The following MYO6 variants were observed in gnomAD, a reference collection of about 807,000 sequenced individuals.
MYO6 encodes unconventional myosin-VI.
A neutral mutation model predicts 178.7 loss-of-function variants in MYO6; 74 were observed. The ratio of observed to expected loss-of-function variants is 0.41; its 90% CI spans 0.34 to 0.50. MYO6 has a LOEUF of 0.50. MYO6 is among the 20% of genes least tolerant of loss of function. The pLI is 0.09. For missense variants in MYO6, 1,330 were observed against 1,547.4 expected, an observed-to-expected ratio of 0.86 and a Z score of 2.36; for synonymous variants, 477 against 504.6, an observed-to-expected ratio of 0.95 and a Z score of 0.73.
Position 75,841,183 on chromosome 6 carries a change from A to T in MYO6, c.652-31A>T, listed in dbSNP as rs780701022. On this transcript the variant is annotated intron_variant, in intron 8 of 34. Transcript: ENST00000369977. ...TTATATTTTAAGACTTTAAATGCAA[A>T]AATATATTTTCTCTGTGTTTTGTTT... The T allele has an allele frequency of 2.5e-6, 4 of 1,602,010 alleles. No individual in the cohort carries two copies. The East Asian group carries it at 8.9e-5, about 36-fold the overall frequency.
chr6:75,775,478 C>T (rs765206104), intron 1 of MYO6, among the ~76,000 whole-genome samples: 40 of 152,202 alleles, frequency 2.6e-4, no homozygotes, highest in Admixed American at 5.9e-4. Flanking sequence ...AGGTTCCAGG[C>T]CTCCCTTGGC....
intron 6 of MYO6, among the ~76,000 whole-genome samples, chr6:75,833,601 T>G (rs2181246): frequency 3.3e-5 from 5 of 152,130 alleles, no homozygotes; most frequent in Non-Finnish European, 4.4e-5. Flanking sequence ...TTAACTCAAC[T>G]TAAGATTCAT....
Position 75,809,587 on chromosome 6 carries a change from C to T in MYO6, c.-47-7914C>T, listed in dbSNP as rs188065259. ...AGGAATTACAGGCGAAGACATAATA[C>T]GTGGAAGGTATATATTGATTCTGTC... On this transcript the variant is annotated intron_variant, in intron 1 of 34. Transcript: ENST00000369977. 2.2e-4 allele frequency among the ~76,000 whole-genome samples: 34 copies of T among 152,090 alleles called. 1 individual carries two copies. The highest frequency in any genetic ancestry group is 1.9e-3 in the South Asian group (9 of 4,822).
At chr6:75,786,514 T>C (rs1231782936) in intron 1 of MYO6, among the ~76,000 whole-genome samples, 4 of 152,260 alleles carry the variant, frequency 2.6e-5, no homozygotes, top group Non-Finnish European at 5.9e-5. Context: ...TCTTCTCACC[T>C]AAGGTCATAG....
chr6:75,791,966 A>AT (rs1768296505), intron 1 of MYO6, among the ~76,000 whole-genome samples: 1 of 152,282 alleles, frequency 6.6e-6, no homozygotes, highest in South Asian at 2.1e-4. Flanking sequence ...ATAGAAACAG[A>AT]TTTTTTAAAG....
intron 30 of MYO6, among the ~76,000 whole-genome samples, chr6:75,904,986 G>C (rs1008800908): frequency 6.6e-6 from 1 of 152,178 alleles, no homozygotes; most frequent in Non-Finnish European, 1.5e-5. Flanking sequence ...GTACCCGGCC[G>C]TGTGAGGTGT....
intron 1 of MYO6, among the ~76,000 whole-genome samples, chr6:75,783,569 T>C (rs1767207353): frequency 6.6e-6 from 1 of 151,928 alleles, no homozygotes; most frequent in Non-Finnish European, 1.5e-5. Context: ...TTTTTTTTTT[T>C]TTTGCCATTT....
intron 1 of MYO6, among the ~76,000 whole-genome samples, chr6:75,795,138 G>A (rs1768671463): frequency 6.6e-6 from 1 of 152,126 alleles, no homozygotes; most frequent in Non-Finnish European, 1.5e-5. Flanking sequence ...TAATGCCTAC[G>A]GACTTAAAGT....
At chr6:75,853,524 G>A (rs1037888189) in intron 11 of MYO6, among the ~76,000 whole-genome samples, 1 of 152,090 alleles carries the variant, frequency 6.6e-6, no homozygotes, top group South Asian at 2.1e-4. Context: ...GGTTGAGGAA[G>A]GGGTCCAGCT....
chr6:75,817,467 G>T, intron 1 of MYO6, 34 bp from the exon 2 acceptor site: 2 of 1,072,018 alleles, frequency 1.9e-6, no homozygotes, highest in South Asian at 2.5e-5. Flanking sequence ...TTTCAAAACT[G>T]ATTCATGTTG....
At chr6:75,808,129 G>A (rs139191896) in intron 1 of MYO6, among the ~76,000 whole-genome samples, 188 of 152,342 alleles carry the variant, frequency 1.2e-3, no homozygotes, top group African/African-American at 4.5e-3. Flanking sequence ...AAGGACTCTT[G>A]TGGTAGGGGT....
intron 2 of MYO6, among the ~76,000 whole-genome samples, chr6:75,822,112 T>A (rs544147107): frequency 1.3e-5 from 2 of 152,190 alleles, no homozygotes; most frequent in African/African-American, 4.8e-5. Flanking sequence ...GTCTTTTTTT[T>A]TTGAGATGGA....
chr6:75,879,403 C>T lies in MYO6; in HGVS notation c.2078-417C>T, dbSNP rs539995282. On this transcript the variant is annotated intron_variant, in intron 20 of 34. Transcript: ENST00000369977. The stretch of plus-strand genomic sequence containing the variant: ...GAGACTGCAGGCATGCACTAGCATG[C>T]CTGGCTGATTTCTCTATTTTTTTTT... Among the ~76,000 whole-genome samples the T allele has an allele frequency of 2.9e-3, 443 of 151,168 alleles. 5 individuals are homozygous for T. Among genetic ancestry groups the T allele is most frequent in the African/African-American group, 0.01 (427 of 41,360 alleles).
chr6:75,812,780 C>G (rs531999198), intron 1 of MYO6, among the ~76,000 whole-genome samples: 77 of 152,088 alleles, frequency 5.1e-4, no homozygotes, highest in Non-Finnish European at 8.8e-4. Flanking sequence ...ATGACAGGAT[C>G]TTTCTTTTTC....
intron 1 of MYO6, among the ~76,000 whole-genome samples, chr6:75,791,849 A>G (rs146847045): frequency 1.3e-3 from 191 of 152,354 alleles, no homozygotes; most frequent in Middle Eastern, 6.8e-3. Flanking sequence ...AATATATATT[A>G]CAGTGCATAC....
chr6:75,826,764 T>C (rs1007974576), intron 3 of MYO6, among the ~76,000 whole-genome samples: 1 of 152,174 alleles, frequency 6.6e-6, no homozygotes, highest in African/African-American at 2.4e-5. Context: ...ACCCACTTCT[T>C]ACTCTCTTTT....
intron 1 of MYO6, among the ~76,000 whole-genome samples, chr6:75,811,597 A>G (rs1469715605): frequency 6.6e-6 from 1 of 151,962 alleles, no homozygotes; most frequent in Non-Finnish European, 1.5e-5. Flanking sequence ...TCTTTTTTGG[A>G]CTTTGGGAGT....
intron 1 of MYO6, among the ~76,000 whole-genome samples, chr6:75,788,635 A>G (rs535072527): frequency 1.3e-5 from 2 of 152,298 alleles, no homozygotes; most frequent in African/African-American, 4.8e-5. Flanking sequence ...AAGGTGTTTC[A>G]CCATGTTGGC....
intron 1 of MYO6, among the ~76,000 whole-genome samples, chr6:75,801,795 G>C (rs1459913248): frequency 1.3e-5 from 2 of 152,006 alleles, no homozygotes; most frequent in South Asian, 4.2e-4. Context: ...ACAAAAATTA[G>C]CTGGGTGTGG....
Sources: gnomAD v4.1 joint callset for allele counts (sites outside exome capture counted in the v4.1 genomes callset) on GRCh38, gnomAD v4.1.1 for gene constraint, MANE v1.5 for transcripts, NCBI Gene and HGNC (gene_info 2026-07-23, HGNC 2026-07-21) for gene names.